The following CYFIP2 variants were observed in gnomAD, a reference collection of about 807,000 sequenced individuals.
CYFIP2 encodes cytoplasmic FMR1 interacting protein 2.
Under a neutral mutation model 158.7 loss-of-function variants are expected in CYFIP2, and 29 were observed. That is an observed-to-expected ratio of 0.18 (90% CI 0.14 to 0.25). The LOEUF (loss-of-function observed/expected upper bound fraction) is 0.25. CYFIP2 is among the 10% of genes least tolerant of loss of function. CYFIP2 has a pLI of 1.00. For missense variants in CYFIP2, 852 were observed against 1,639.5 expected, an observed-to-expected ratio of 0.52 and a Z score of 8.29; for synonymous variants, 585 against 617.6, an observed-to-expected ratio of 0.95 and a Z score of 0.78.
intron 23 of CYFIP2, chr5:157,342,329 G>A (rs1286494475): frequency 1.3e-5 from 2 of 152,718 alleles, no homozygotes; most frequent in Admixed American, 6.5e-5. Flanking sequence ...ATAATCCATG[G>A]TTTTAAAAAA....
chr5:157,273,366 C>T (rs1040721856), intron 1 of CYFIP2, among the ~76,000 whole-genome samples: 1 of 152,186 alleles, frequency 6.6e-6, no homozygotes, highest in Non-Finnish European at 1.5e-5. Context: ...TTCTAAACCT[C>T]AGAACCTATC....
At chr5:157,376,836 C>A in intron 26 of CYFIP2, 1 of 445,026 alleles carries the variant, frequency 2.2e-6, no homozygotes, top group Non-Finnish European at 4.4e-6. Context: ...ACTCTGCAGA[C>A]TCTGCAGGGC....
chr5:157,376,855 C>T (rs1277272026), intron 26 of CYFIP2: 1 of 456,306 alleles, frequency 2.2e-6, no homozygotes, highest in Non-Finnish European at 4.4e-6. Context: ...GCCTAGGCCT[C>T]ACATCTAGTT....
chr5:157,343,287 G>A, intron 23 of CYFIP2: 1 of 1,614,214 alleles, frequency 6.2e-7, no homozygotes, highest in South Asian at 1.1e-5. Context: ...TGCCTGTAAG[G>A]GAAGGCAGCC....
At chr5:157,301,808 G>T (rs1581010626) in intron 6 of CYFIP2, among the ~76,000 whole-genome samples, 1 of 152,086 alleles carries the variant, frequency 6.6e-6, no homozygotes, top group Non-Finnish European at 1.5e-5. Flanking sequence ...TGGGGGAGGA[G>T]TCATTCCAGA....
At chr5:157,390,762 G>A in intron 30 of CYFIP2, 94 bp downstream of exon 30, 1 of 1,527,350 alleles carries the variant, frequency 6.5e-7, no homozygotes, top group Non-Finnish European at 8.8e-7. Flanking sequence ...TGCTTGTGAA[G>A]GCCAGCTCCC....
intron 23 of CYFIP2, among the ~76,000 whole-genome samples, chr5:157,357,266 T>C (rs1763474938): frequency 6.6e-6 from 1 of 152,258 alleles, no homozygotes; most frequent in Non-Finnish European, 1.5e-5. Flanking sequence ...ATGCTTGTTT[T>C]GTAAAGTTTA....
At chr5:157,369,879 G>GTTTTGTTT (rs534240919) in intron 26 of CYFIP2, among the ~76,000 whole-genome samples, 3,520 of 103,096 alleles carry the variant, frequency 0.034, 235 homozygotes, top group African/African-American at 0.13. Context: ...AATGGACCTA[G>GTTTTGTTT]TTTTTTTTTT....
rs1767208882 is a variant in CYFIP2 at position 157,390,818 on chromosome 5, GGAAGTCGT to G, written c.3594+153_3594+160del. 3.8e-6 allele frequency: 5 copies of G among 1,317,092 alleles called. No homozygotes were observed. The East Asian group carries it at 1.3e-4, about 34-fold the overall frequency. The allele number at this position is 1,317,092 out of a possible 1,614,324, so 81.6% of individuals were successfully genotyped here. On this transcript the variant is annotated intron_variant, in intron 30 of 30. Coordinates refer to ENST00000620254, the MANE Select transcript of CYFIP2 (RefSeq NM_001037333.3). ...ACTATAGGCTGGGGACCTGCTTAGA[GGAAGTCGT>G]GAGGTCGTGAGTCACCCACTCATCA...
Position 157,326,250 on chromosome 5 carries a change from G to A in CYFIP2, c.2062G>A (p.Asp688Asn), listed in dbSNP as rs1324383497. The A allele has an allele frequency of 8.1e-6, 13 of 1,613,298 alleles. No individual in the cohort carries two copies. The highest frequency in any genetic ancestry group is 2.7e-5 in the African/African-American group (2 of 74,892). Residue 688 changes from aspartate to asparagine, a missense_variant, in exon 18 of 31, where the codon GAT (aspartate) becomes AAT (asparagine). Asp to Asn is a conservative substitution (Grantham distance 23, BLOSUM62 1). Coordinates refer to ENST00000620254, the MANE Select transcript of CYFIP2 (RefSeq NM_001037333.3). ...LTKFKKQFLYDEIEAEVNLCF... is the reference protein window; with the variant it reads ...LTKFKKQFLYNEIEAEVNLCF... ...CAAGTTTAAAAAGCAGTTCCTGTAC[G>A]ATGAGATAGAAGCTGAGGCAAGTGA...
At chr5:157,388,450 A>G (rs942807079) in intron 28 of CYFIP2, among the ~76,000 whole-genome samples, 2 of 152,176 alleles carry the variant, frequency 1.3e-5, no homozygotes, top group Non-Finnish European at 2.9e-5. Context: ...AGCACATTCA[A>G]CTGTACAGAA....
intron 1 of CYFIP2, among the ~76,000 whole-genome samples, chr5:157,284,551 G>GA (rs1319229660): frequency 6.6e-6 from 1 of 152,184 alleles, no homozygotes; most frequent in Non-Finnish European, 1.5e-5. Flanking sequence ...TGTTTGGGGG[G>GA]AAAAATGAGT....
At chr5:157,302,981 C>A in intron 7 of CYFIP2, 91 bp downstream of exon 7, 1 of 945,596 alleles carries the variant, frequency 1.1e-6, no homozygotes, top group Non-Finnish European at 1.6e-6. Flanking sequence ...CCCAAGCAGA[C>A]AAGCTCAGTC....
At position 157,345,566 on chromosome 5, in the gene CYFIP2, G is replaced by A. The variant is rs972465081; in HGVS notation, c.2673+4409G>A. 8 of 152,758 alleles carry A rather than the reference G, an allele frequency of 5.2e-5. No individual in the cohort carries two copies. The South Asian group carries it at 1.2e-3, about 24-fold the overall frequency. 9.5% of individuals were successfully genotyped at this position (152,758 alleles called of 1,614,324 possible). On this transcript the variant is annotated intron_variant, in intron 23 of 30. Coordinates refer to ENST00000620254, the MANE Select transcript of CYFIP2 (RefSeq NM_001037333.3). The stretch of plus-strand genomic sequence containing the variant: ...CTGATGCTTGCAGCGTGTCTGGTTA[G>A]AGCTCTGCCCTCCGAGGTGCAGTAG...
intron 19 of CYFIP2, among the ~76,000 whole-genome samples, chr5:157,330,451 G>A (rs1392936647): frequency 6.6e-6 from 1 of 152,090 alleles, no homozygotes; most frequent in Non-Finnish European, 1.5e-5. Flanking sequence ...AATGTTTCCT[G>A]GGATACACCA....
At chr5:157,330,695 C>A in intron 19 of CYFIP2, 47 bp from the exon 20 acceptor site, 1 of 1,453,272 alleles carries the variant, frequency 6.9e-7, no homozygotes. Flanking sequence ...AGTTGAGAGT[C>A]ATTCACAATC....
At chr5:157,315,203 T>C (rs1185630528) in intron 13 of CYFIP2, 109 bp downstream of exon 13, 2 of 1,433,744 alleles carry the variant, frequency 1.4e-6, no homozygotes, top group Non-Finnish European at 1.9e-6. Context: ...ATTTTCGTGC[T>C]CTTCCCTGTC....
rs1200771752 is a variant in CYFIP2 at position 157,311,552 on chromosome 5, G to GA, written c.993-112_993-111insA. The stretch of plus-strand genomic sequence containing the variant: ...GCTGAGGCGGCTGGGATACCATTTG[G>GA]TGTCACCCAGGGGAGTTGGCCACGT... On this transcript the variant is annotated intron_variant, in intron 10 of 30. Transcript: ENST00000620254. The surrounding 1 kb of genome is among the most constrained non-coding windows in gnomAD (Gnocchi z 4.7). 2 of 842,444 alleles carry GA rather than the reference G, an allele frequency of 2.4e-6. No individual in the cohort carries two copies. The highest frequency in any genetic ancestry group is 1.9e-6 in the Non-Finnish European group (1 of 533,250). The allele number at this position is 842,444 out of a possible 1,614,324, so 52.2% of individuals were successfully genotyped here. A position where few individuals can be genotyped will look rare whatever the true frequency, so the allele number is the denominator to read the frequency against.
chr5:157,322,768 G>A (rs1454643607), intron 15 of CYFIP2, among the ~76,000 whole-genome samples: 1 of 152,244 alleles, frequency 6.6e-6, no homozygotes, highest in Non-Finnish European at 1.5e-5. Context: ...GAAGACGAAC[G>A]CGGTTGCTGG....
Sources: allele counts gnomAD v4.1 joint callset (sites outside exome capture counted in the v4.1 genomes callset), GRCh38; gene constraint gnomAD v4.1.1; non-coding constraint Gnocchi (gnomAD v3.1); transcripts MANE v1.5; gene names NCBI Gene and HGNC (gene_info 2026-07-23, HGNC 2026-07-21).